The following BDKRB2 variants were observed in gnomAD, a reference collection of about 807,000 sequenced individuals.
BDKRB2 encodes the protein bradykinin receptor B2, also known as B2 bradykinin receptor.
BDKRB2 carries 6 observed loss-of-function variants against 4.0 expected under a neutral mutation model. That is an observed-to-expected ratio of 1.49 (90% CI 0.81 to 2.93). BDKRB2 has a LOEUF of 2.93. BDKRB2 is among the 30% of genes most tolerant of loss of function. The pLI is 0.00. For missense variants in BDKRB2, 478 were observed against 520.1 expected (o/e 0.92, Z 0.79); for synonymous variants, 225 against 215.3 (o/e 1.05, Z -0.40).
intron 1 of BDKRB2, among the ~76,000 whole-genome samples, chr14:96,206,814 A>C (rs1350410966): frequency 6.6e-6 from 1 of 152,004 alleles, no homozygotes; most frequent in Non-Finnish European, 1.5e-5. Flanking sequence ...GCTATAAGAA[A>C]TACTTTAGAC....
chr14:96,216,648 G>GGAAGAAAGAAGGAGGAGAAGAGGAA (rs1243425682), intron 1 of BDKRB2, among the ~76,000 whole-genome samples: 6 of 145,422 alleles, frequency 4.1e-5, no homozygotes, highest in Non-Finnish European at 7.5e-5. Flanking sequence ...AGAGAGAAGA[G>GGAAGAAAGAAGGAGGAGAAGAGGAA]GAAGAAAGAA....
At chr14:96,234,552 C>A (rs1466876251) in intron 1 of BDKRB2, among the ~76,000 whole-genome samples, 1 of 152,174 alleles carries the variant, frequency 6.6e-6, no homozygotes, top group Admixed American at 6.5e-5. Flanking sequence ...ACAGCAGCTC[C>A]CTGACAGGGA....
intron 2 of BDKRB2, chr14:96,239,205 G>C: frequency 1.0e-6 from 1 of 985,308 alleles, no homozygotes; most frequent in Non-Finnish European, 1.2e-6. Context: ...CCTGCCCTCT[G>C]GGTTGTGCTT....
At chr14:96,223,268 G>A (rs1313890384) in intron 1 of BDKRB2, 7 of 1,045,866 alleles carry the variant, frequency 6.7e-6, no homozygotes, top group Middle Eastern at 3.0e-4. Flanking sequence ...AGTCAGGGAT[G>A]GGTCCATAAT....
At position 96,240,480 on chromosome 14, in the gene BDKRB2, A is replaced by G; in HGVS notation, c.152A>G (p.Glu51Gly). 6.6e-7 allele frequency: 1 copy of G among 1,526,606 alleles called. No homozygotes were observed. Among genetic ancestry groups the G allele is most frequent in the Non-Finnish European group, 8.8e-7 (1 of 1,139,466 alleles). The allele number at this position is 1,526,606 out of a possible 1,614,324, so 94.6% of individuals were successfully genotyped here. ...TFAQSKCPQVEWLGWLNTIQP... is the reference protein window; with the variant it reads ...TFAQSKCPQVGWLGWLNTIQP... Reference sequence around the variant, plus strand: ...GCCCAGAGCAAATGCCCCCAAGTGGAGTGGCTGGGCTGGCTCAACACCATC... The same window carrying G: ...GCCCAGAGCAAATGCCCCCAAGTGGGGTGGCTGGGCTGGCTCAACACCATC... Residue 51 changes from glutamate (E) to glycine (G), a missense_variant, in exon 3 of 3, where the codon GAG becomes GGG. Glu to Gly is a moderately conservative substitution (Grantham distance 98). Coordinates refer to ENST00000554311, the MANE Select transcript of BDKRB2 (RefSeq NM_001379692.1).
intron 1 of BDKRB2, among the ~76,000 whole-genome samples, chr14:96,216,907 TA>T (rs1303243509): frequency 6.6e-6 from 1 of 152,132 alleles, no homozygotes; most frequent in African/African-American, 2.4e-5. Context: ...CCTACAAATG[TA>T]AAATGTGTGT....
intron 1 of BDKRB2, among the ~76,000 whole-genome samples, chr14:96,219,505 C>T (rs962978885): frequency 1.3e-5 from 2 of 150,888 alleles, no homozygotes; most frequent in Non-Finnish European, 2.9e-5. Context: ...TCTGGGCTGA[C>T]AGAGGAGACA....
intron 1 of BDKRB2, among the ~76,000 whole-genome samples, chr14:96,219,421 G>T (rs1334899910): frequency 6.6e-6 from 1 of 151,958 alleles, no homozygotes; most frequent in African/African-American, 2.4e-5. Flanking sequence ...GGAGGGGTGG[G>T]GACCGGGACC....
chr14:96,238,484 C>G (rs1384453207), intron 2 of BDKRB2: 1 of 985,490 alleles, frequency 1.0e-6, no homozygotes, highest in African/African-American at 1.7e-5. Flanking sequence ...CCACAGGGAT[C>G]TTTTTAGAGC....
At chr14:96,229,991 A>G (rs1054509297) in intron 1 of BDKRB2, among the ~76,000 whole-genome samples, 1 of 151,802 alleles carries the variant, frequency 6.6e-6, no homozygotes, top group African/African-American at 2.4e-5. Context: ...AAAATTAGCC[A>G]GGTGTGGTGG....
chr14:96,240,174 G>A (rs762269872), intron 2 of BDKRB2: 134 of 1,269,236 alleles, frequency 1.1e-4, no homozygotes, highest in Non-Finnish European at 1.3e-4. Flanking sequence ...GTGGAGCCTC[G>A]AGATGAAGAA....
chr14:96,221,671 G>T (rs566699904), intron 1 of BDKRB2, among the ~76,000 whole-genome samples: 1 of 152,182 alleles, frequency 6.6e-6, no homozygotes, highest in African/African-American at 2.4e-5. Flanking sequence ...TTGGTGCAAG[G>T]GGGCTTGTGG....
intron 1 of BDKRB2, among the ~76,000 whole-genome samples, chr14:96,212,398 T>C (rs958983700): frequency 3.0e-5 from 4 of 135,394 alleles, no homozygotes; most frequent in South Asian, 2.2e-4. Context: ...ACCAAAAAGA[T>C]TGCAAAAAAA....
chr14:96,236,623 C>G (rs1353041485), intron 1 of BDKRB2, among the ~76,000 whole-genome samples: 1 of 152,182 alleles, frequency 6.6e-6, no homozygotes, highest in Non-Finnish European at 1.5e-5. Context: ...CACTCTACCC[C>G]CACTGCAGTC....
intron 1 of BDKRB2, among the ~76,000 whole-genome samples, chr14:96,215,907 G>T (rs768605905): frequency 6.6e-6 from 1 of 152,088 alleles, no homozygotes; most frequent in Non-Finnish European, 1.5e-5. Context: ...AGAGGTTAAG[G>T]GCACTGCAGT....
In BDKRB2 at chr14:96,243,741, G is replaced by C. The variant is rs537453175; in HGVS notation, c.*2237G>C. On this transcript the variant is annotated 3_prime_UTR_variant, in exon 3 of 3. Transcript: ENST00000554311. ...TTTTTCCCACCACCCACTCTCCTCT[G>C]CCTCAGTAAGTATCTGGAGGAAGAA... 1 of 155,592 alleles carries C rather than the reference G, an allele frequency of 6.4e-6. No homozygotes were observed. Among genetic ancestry groups the C allele is most frequent in the South Asian group, 2.1e-4 (1 of 4,872 alleles). 9.6% of individuals were successfully genotyped at this position (155,592 alleles called of 1,614,324 possible).
At chr14:96,236,178 T>C (rs1890930939) in intron 1 of BDKRB2, among the ~76,000 whole-genome samples, 1 of 152,134 alleles carries the variant, frequency 6.6e-6, no homozygotes, top group African/African-American at 2.4e-5. Flanking sequence ...CAGCACCTTG[T>C]ATTGGTAACC....
chr14:96,215,386 C>T (rs1890394180), intron 1 of BDKRB2, among the ~76,000 whole-genome samples: 1 of 151,956 alleles, frequency 6.6e-6, no homozygotes, highest in African/African-American at 2.4e-5. Context: ...TAGGTTGTTT[C>T]CTGTGACCCT....
At chr14:96,231,100 G>A (rs1295598343) in intron 1 of BDKRB2, among the ~76,000 whole-genome samples, 1 of 152,156 alleles carries the variant, frequency 6.6e-6, no homozygotes, top group Non-Finnish European at 1.5e-5. Context: ...AAAAAGCCAA[G>A]AATAAAATAA....
Sources: gnomAD v4.1 joint callset for allele counts (sites outside exome capture counted in the v4.1 genomes callset) on GRCh38, gnomAD v4.1.1 for gene constraint, MANE v1.5 for transcripts, NCBI Gene and HGNC (gene_info 2026-07-23, HGNC 2026-07-21) for gene names.